The following SLC26A7 variants were observed in gnomAD, a reference collection of about 807,000 sequenced individuals.
SLC26A7 encodes the protein solute carrier family 26 member 7, also known as anion exchange transporter.
SLC26A7 carries 59 observed loss-of-function variants against 82.5 expected under a neutral mutation model. That is an observed-to-expected ratio of 0.72 (90% CI 0.58 to 0.89). SLC26A7 has a LOEUF of 0.89. SLC26A7 is among the 40% of genes least tolerant of loss of function. SLC26A7 has a pLI of 0.00. For missense variants in SLC26A7, 820 were observed against 793.0 expected, an observed-to-expected ratio of 1.03 and a Z score of -0.41; for synonymous variants, 271 against 274.3, an observed-to-expected ratio of 0.99 and a Z score of 0.12.
At chr8:91,279,660 C>A (rs1387708730) in intron 2 of SLC26A7, among the ~76,000 whole-genome samples, 8 of 151,874 alleles carry the variant, frequency 5.3e-5, no homozygotes, top group Non-Finnish European at 1.2e-4. Flanking sequence ...CCCGGGTTCA[C>A]GCCATTCTCC....
chr8:91,343,516 A>ACTC, intron 9 of SLC26A7, 50 bp downstream of exon 9: 5 of 1,282,616 alleles, frequency 3.9e-6, no homozygotes, highest in Non-Finnish European at 5.5e-6. Context: ...CTTCACTCCC[A>ACTC]TTCTAGGAGA....
rs1813467125 is a variant in SLC26A7, at chr8:91,343,223, G to A, written c.1027-130G>A. 8.5e-5 allele frequency: 52 copies of A among 608,822 alleles called. 2 individuals carry two copies. In the South Asian group the frequency reaches 1.1e-3, roughly 13 times the overall value. 37.7% of individuals were successfully genotyped at this position (608,822 alleles called of 1,614,324 possible). ...AATGTTAGCTATTTGTATTGTAATT[G>A]TTAAATCCCAACTGGTGGGGAGAAC... On this transcript the variant is annotated intron_variant, in intron 8 of 18. Coordinates refer to ENST00000276609, the MANE Select transcript of SLC26A7 (RefSeq NM_052832.4).
intron 5 of SLC26A7, among the ~76,000 whole-genome samples, chr8:91,333,327 T>C (rs1175299237): frequency 6.6e-6 from 1 of 152,202 alleles, no homozygotes; most frequent in Non-Finnish European, 1.5e-5. Flanking sequence ...TGTATTATAC[T>C]TTCTTCCTAG....
chr8:91,279,125 G>GTGTATATATATATA (rs1382744780), intron 2 of SLC26A7, among the ~76,000 whole-genome samples: 2 of 111,292 alleles, frequency 1.8e-5, no homozygotes, highest in African/African-American at 7.1e-5. Flanking sequence ...GTGTGTGTGT[G>GTGTATATATATATA]TATATATATA....
intron 5 of SLC26A7, among the ~76,000 whole-genome samples, chr8:91,328,326 G>T (rs1258235149): frequency 1.3e-5 from 2 of 151,994 alleles, no homozygotes; most frequent in Non-Finnish European, 2.9e-5. Flanking sequence ...CCTTGATGTT[G>T]CTTCATTTTT....
chr8:91,339,430 T>C (rs1201464589), intron 7 of SLC26A7, among the ~76,000 whole-genome samples: 1 of 152,176 alleles, frequency 6.6e-6, no homozygotes, highest in Non-Finnish European at 1.5e-5. Context: ...GCCATTCACC[T>C]TGTGATGTTA....
At chr8:91,379,937 A>G (rs568037709) in intron 15 of SLC26A7, among the ~76,000 whole-genome samples, 1 of 151,914 alleles carries the variant, frequency 6.6e-6, no homozygotes, top group Non-Finnish European at 1.5e-5. Flanking sequence ...ATCAACGAGT[A>G]AAAAAAGGCA....
At chr8:91,269,187 T>G (rs1788717936) in intron 2 of SLC26A7, among the ~76,000 whole-genome samples, 1 of 152,110 alleles carries the variant, frequency 6.6e-6, no homozygotes, top group Non-Finnish European at 1.5e-5. Context: ...CAGTGAGTTT[T>G]ATACTTTTTG....
chr8:91,365,528 G>T (rs62528970), intron 13 of SLC26A7, among the ~76,000 whole-genome samples: 2 of 151,862 alleles, frequency 1.3e-5, no homozygotes, highest in African/African-American at 2.4e-5. Flanking sequence ...GTTTCTAAGA[G>T]GTTTACTCTT....
At chr8:91,358,901 A>G (rs1393655377) in intron 11 of SLC26A7, among the ~76,000 whole-genome samples, 1 of 152,118 alleles carries the variant, frequency 6.6e-6, no homozygotes, top group Admixed American at 6.5e-5. Flanking sequence ...CGGACACAGG[A>G]AGCGGAACAT....
In SLC26A7 at chr8:91,298,536, A is replaced by G. The variant is rs78159641; in HGVS notation, c.477+2833A>G. The stretch of plus-strand genomic sequence containing the variant: ...GAGGGTATTAATACGATCTTCAAGC[A>G]TGTTAAAGTCATCATTGTACCTAGC... On this transcript the variant is annotated intron_variant, in intron 4 of 18. Transcript: ENST00000276609. Among the ~76,000 whole-genome samples the G allele has an allele frequency of 1.1e-4, 16 of 152,270 alleles. 1 individual carries two copies. In the East Asian group the frequency reaches 2.7e-3, roughly 26 times the overall value.
chr8:91,217,758 G>A (rs959087280), intron 1 of SLC26A7, among the ~76,000 whole-genome samples: 7 of 152,172 alleles, frequency 4.6e-5, no homozygotes, highest in Admixed American at 1.3e-4. Context: ...AAACCAAGAC[G>A]TCCACTGAGG....
At chr8:91,318,155 C>T in intron 4 of SLC26A7, 61 bp from the exon 5 acceptor site, 3 of 1,411,710 alleles carry the variant, frequency 2.1e-6, no homozygotes, top group South Asian at 1.3e-5. Flanking sequence ...AATATTAAGC[C>T]CTCTGGGAAC....
At chr8:91,245,588 T>A (rs549309291), upstream of SLC26A7, among the ~76,000 whole-genome samples, 9 of 152,264 alleles carry the variant, frequency 5.9e-5, no homozygotes, top group South Asian at 1.9e-3. Context: ...GGTATGAGTT[T>A]GGGGTTGATA....
intron 2 of SLC26A7, among the ~76,000 whole-genome samples, chr8:91,280,277 C>T (rs947831744): frequency 4.6e-5 from 7 of 152,190 alleles, no homozygotes; most frequent in Non-Finnish European, 7.4e-5. Flanking sequence ...GCAATTTTAT[C>T]TTTCCTGTGG....
intron 4 of SLC26A7, among the ~76,000 whole-genome samples, chr8:91,306,466 A>C (rs1338366521): frequency 6.6e-6 from 1 of 152,026 alleles, no homozygotes; most frequent in East Asian, 1.9e-4. Flanking sequence ...ATTTAGACTT[A>C]CCTGAAGATT....
At chr8:91,315,836 A>G (rs1480689648) in intron 4 of SLC26A7, among the ~76,000 whole-genome samples, 1 of 152,172 alleles carries the variant, frequency 6.6e-6, no homozygotes, top group Admixed American at 6.5e-5. Context: ...TTCCTGCTAC[A>G]TCATAGGTTA....
intron 1 of SLC26A7, among the ~76,000 whole-genome samples, chr8:91,210,655 G>A (rs1809896939): frequency 6.6e-6 from 1 of 151,634 alleles, no homozygotes; most frequent in African/African-American, 2.4e-5. Flanking sequence ...AAAATAAGGA[G>A]ATTTGATATC....
At chr8:91,253,279 A>G (rs796443070) in intron 2 of SLC26A7, among the ~76,000 whole-genome samples, 5 of 152,228 alleles carry the variant, frequency 3.3e-5, no homozygotes, top group African/African-American at 1.2e-4. Context: ...TCTCTTAGAA[A>G]GTCCTGCACA....
Sources: allele counts gnomAD v4.1 joint callset (sites outside exome capture counted in the v4.1 genomes callset), GRCh38; gene constraint gnomAD v4.1.1; transcripts MANE v1.5; gene names NCBI Gene and HGNC (gene_info 2026-07-23, HGNC 2026-07-21).